Variants in MS4A8 observed in about 807,000 individuals in gnomAD.
The protein encoded by MS4A8 is membrane-spanning 4-domains subfamily A member 8.
In MS4A8, 27 loss-of-function variants were observed where a neutral mutation model predicts 23.7. The ratio of observed to expected loss-of-function variants is 1.14; its 90% CI spans 0.84 to 1.57. MS4A8 has a LOEUF of 1.57. Ranked by LOEUF, MS4A8 falls within the 40% of genes most tolerant of loss-of-function variation. The pLI is 0.00. For synonymous variants in MS4A8, 138 were observed against 126.3 expected, an observed-to-expected ratio of 1.09 and a Z score of -0.62; for missense variants, 301 against 311.4, an observed-to-expected ratio of 0.97 and a Z score of 0.25.
At chr11:60,708,906 C>A (rs2088279774) in intron 5 of MS4A8, 125 bp downstream of exon 5, 2 of 1,199,796 alleles carry the variant, frequency 1.7e-6, no homozygotes, top group Non-Finnish European at 2.4e-6. Context: ...GTGCTTTCAG[C>A]ATAGGAACAA....
At chr11:60,710,211 T>G (rs532341023) in intron 5 of MS4A8, among the ~76,000 whole-genome samples, 2 of 152,336 alleles carry the variant, frequency 1.3e-5, no homozygotes, top group African/African-American at 4.8e-5. Context: ...TCTGGCAACT[T>G]GAAACACCTT....
chr11:60,706,476 G>C (rs2088256776), intron 3 of MS4A8, among the ~76,000 whole-genome samples: 1 of 152,224 alleles, frequency 6.6e-6, no homozygotes, highest in South Asian at 2.1e-4. Flanking sequence ...TCTAAAAGCA[G>C]CAGAGAAGAC....
At chr11:60,706,947 A>C (rs1404822416) in intron 3 of MS4A8, 41 bp from the exon 4 acceptor site, 3 of 1,580,932 alleles carry the variant, frequency 1.9e-6, no homozygotes, top group Non-Finnish European at 2.6e-6. Flanking sequence ...AGGGCACCCT[A>C]GCCCCTGACC....
At chr11:60,707,731 C>T (rs1374588662) in intron 4 of MS4A8, among the ~76,000 whole-genome samples, 1 of 151,868 alleles carries the variant, frequency 6.6e-6, no homozygotes, top group Non-Finnish European at 1.5e-5. Context: ...TCCCAAGACA[C>T]TTGGGCTAAG....
intron 4 of MS4A8, 99 bp downstream of exon 4, chr11:60,707,146 G>C: frequency 2.7e-6 from 3 of 1,101,946 alleles, no homozygotes; most frequent in Non-Finnish European, 4.2e-6. Context: ...CCCCAGCCTT[G>C]CACCTACTAT....
chr11:60,709,971 T>C (rs1479111296), intron 5 of MS4A8, among the ~76,000 whole-genome samples: 1 of 152,160 alleles, frequency 6.6e-6, no homozygotes, highest in African/African-American at 2.4e-5. Context: ...TCTCTGAACC[T>C]GCTCCAATTA....
rs1590956892 is a variant in MS4A8 at position 60,715,656 on chromosome 11, A to T, written c.*242A>T. ...GACTCCCTAGGGCACATGCATCAGC[A>T]CATATGTGGGCATCCAGCCTCTGGG... On this transcript the variant is annotated 3_prime_UTR_variant, in exon 7 of 7. Transcript: ENST00000300226. 1 of 497,196 alleles carries T rather than the reference A, an allele frequency of 2.0e-6. No homozygotes were observed. The highest frequency in any genetic ancestry group is 3.7e-5 in the East Asian group (1 of 27,054). 30.8% of individuals were successfully genotyped at this position (497,196 alleles called of 1,614,324 possible). A position where few individuals can be genotyped will look rare whatever the true frequency, so the allele number is the denominator to read the frequency against.
intron 5 of MS4A8, chr11:60,711,841 A>T (rs2134661865): frequency 2.2e-6 from 1 of 456,150 alleles, no homozygotes; most frequent in Non-Finnish European, 4.4e-6. Flanking sequence ...TCTGCCAATG[A>T]TTGATCTTGG....
rs1365726021 is a variant in MS4A8 at position 60,708,736 on chromosome 11, C to T, written c.489C>T (p.Pro163=). ...TCTTCATCACAGATCTAAGTATTCCCCACCCATATGCCTACCCCGACTATT... is the reference window on the plus strand; with the variant it reads ...TCTTCATCACAGATCTAAGTATTCCTCACCCATATGCCTACCCCGACTATT... The part of the protein sequence containing the change: ...VILFITDLSI[P]HPYAYPDYYP... Residue 163 remains proline, a synonymous_variant, in exon 5 of 7, where the codon CCC becomes CCT. Coordinates refer to ENST00000300226, the MANE Select transcript of MS4A8 (RefSeq NM_031457.2). 2.5e-5 allele frequency: 41 copies of T among 1,613,244 alleles called. No individual in the cohort carries two copies. The highest frequency in any genetic ancestry group is 3.4e-5 in the Non-Finnish European group (40 of 1,179,788).
At chr11:60,712,265 G>C in intron 5 of MS4A8, 1 of 949,412 alleles carries the variant, frequency 1.1e-6, no homozygotes, top group Non-Finnish European at 1.3e-6. Flanking sequence ...CCTTTTTGCT[G>C]TTCTGTAGCT....
chr11:60,710,041 G>T (rs2088287647), intron 5 of MS4A8, among the ~76,000 whole-genome samples: 1 of 152,070 alleles, frequency 6.6e-6, no homozygotes, highest in South Asian at 2.1e-4. Flanking sequence ...TGGGGTGATT[G>T]ATCCTTCTTC....
At chr11:60,709,388 A>AAG (rs111482488) in intron 5 of MS4A8, among the ~76,000 whole-genome samples, 7 of 152,138 alleles carry the variant, frequency 4.6e-5, no homozygotes, top group Non-Finnish European at 2.9e-5. Context: ...CCACATTTAA[A>AAG]AGAGAGAGAG....
At chr11:60,700,670 G>C (rs1004542331) in intron 1 of MS4A8, among the ~76,000 whole-genome samples, 190 bp from the exon 2 acceptor site, 5 of 152,198 alleles carry the variant, frequency 3.3e-5, no homozygotes, top group African/African-American at 1.2e-4. Context: ...GGGCGGGTGA[G>C]AGGATGAAAG....
chr11:60,701,319 G>A, intron 2 of MS4A8: 2 of 627,580 alleles, frequency 3.2e-6, no homozygotes, highest in South Asian at 1.5e-5. Context: ...CAACAAAAAA[G>A]CAGCACGCTT....
In MS4A8 at chr11:60,712,654, C is replaced by G. The variant is rs2088309672; in HGVS notation, c.535-2367C>G. 1.8e-5 allele frequency: 4 copies of G among 227,032 alleles called. No homozygotes were observed. In the Admixed American group the frequency reaches 2.6e-4, roughly 15 times the overall value. The allele number at this position is 227,032 out of a possible 1,614,324, so 14.1% of individuals were successfully genotyped here. A position where few individuals can be genotyped will look rare whatever the true frequency, so the allele number is the denominator to read the frequency against. ...ACAAAATATACAAAAATTAGCCAGGCATGGTAGCGCGTGCCTGTAATCCCA... is the reference window on the plus strand; with the variant it reads ...ACAAAATATACAAAAATTAGCCAGGGATGGTAGCGCGTGCCTGTAATCCCA... On this transcript the variant is annotated intron_variant, in intron 5 of 6. Coordinates refer to ENST00000300226, the MANE Select transcript of MS4A8 (RefSeq NM_031457.2).
intron 3 of MS4A8, among the ~76,000 whole-genome samples, chr11:60,704,504 A>G (rs958053483): frequency 3.3e-5 from 5 of 152,316 alleles, no homozygotes; most frequent in African/African-American, 7.2e-5. Flanking sequence ...ATTGTTGGAC[A>G]TAGGCCCACA....
Position 60,715,466 on chromosome 11 carries a change from C to A in MS4A8, c.*52C>A, listed in dbSNP as rs1251135827. 2 of 1,443,406 alleles carry A rather than the reference C, an allele frequency of 1.4e-6. No homozygotes were observed. The highest frequency in any genetic ancestry group is 1.4e-5 in the African/African-American group (1 of 71,772). 89.4% of individuals were successfully genotyped at this position (1,443,406 alleles called of 1,614,324 possible). On this transcript the variant is annotated 3_prime_UTR_variant, in exon 7 of 7. Transcript: ENST00000300226. The stretch of plus-strand genomic sequence containing the variant: ...ACTGGGACCAAAAGAAGTCCTCCTC[C>A]CTTTCTGGGCTTCCATAACCCAGGT...
chr11:60,714,898 G>T, intron 5 of MS4A8, 123 bp from the exon 6 acceptor site: 2 of 688,662 alleles, frequency 2.9e-6, no homozygotes, highest in South Asian at 1.6e-5. Flanking sequence ...TTCCCCCCAC[G>T]AGGCTGAGAG....
At chr11:60,709,379 C>T in intron 5 of MS4A8, among the ~76,000 whole-genome samples, 1 of 151,222 alleles carries the variant, frequency 6.6e-6, no homozygotes, top group East Asian at 1.9e-4. Context: ...TTCTAGTTGC[C>T]ACATTTAAAA....
Sources: allele counts gnomAD v4.1 joint callset (sites outside exome capture counted in the v4.1 genomes callset), GRCh38; gene constraint gnomAD v4.1.1; transcripts MANE v1.5; gene names NCBI Gene and HGNC (gene_info 2026-07-23, HGNC 2026-07-21).